JPH3: variants seen among roughly 807,000 people sequenced by gnomAD.
JPH3 encodes junctophilin 3.
JPH3 carries 11 observed loss-of-function variants against 59.6 expected under a neutral mutation model. That is an observed-to-expected ratio of 0.18 (90% CI 0.12 to 0.31). The LOEUF is 0.31. JPH3 is among the 10% of genes least tolerant of loss of function. The pLI is 1.00. For missense variants in JPH3, 1,202 were observed against 1,105.7 expected (o/e 1.09, Z -1.24); for synonymous variants, 673 against 483.6 (o/e 1.39, Z -5.14).
At chr16:87,642,447 T>C (rs1161012176) in intron 1 of JPH3, among the ~76,000 whole-genome samples, 1 of 152,216 alleles carries the variant, frequency 6.6e-6, no homozygotes, top group Non-Finnish European at 1.5e-5. Flanking sequence ...GCTGAATTTT[T>C]ATGTCAAATC....
At chr16:87,626,037 G>A (rs1377944708) in intron 1 of JPH3, among the ~76,000 whole-genome samples, 1 of 152,156 alleles carries the variant, frequency 6.6e-6, no homozygotes, top group East Asian at 1.9e-4. Flanking sequence ...CTTAGCTCAG[G>A]TTGTTCTTGG....
chr16:87,676,927 T>C lies in JPH3; in HGVS notation c.1161-7215T>C, dbSNP rs2033154799. ...TGGCGCACGCCTGTAATCCCAGCAC[T>C]TGGGGAGGCTGAAGTGGGCGGATCA... On this transcript the variant is annotated intron_variant, in intron 2 of 4. Coordinates refer to ENST00000284262, the MANE Select transcript of JPH3 (RefSeq NM_020655.4). Among the ~76,000 whole-genome samples, 3 of 150,862 alleles carry C rather than the reference T, an allele frequency of 2.0e-5. No individual in the cohort carries two copies. The South Asian group carries it at 6.3e-4, about 31-fold the overall frequency.
At chr16:87,660,239 G>T (rs770678096) in intron 2 of JPH3, among the ~76,000 whole-genome samples, 4 of 152,188 alleles carry the variant, frequency 2.6e-5, no homozygotes, top group Non-Finnish European at 4.4e-5. Flanking sequence ...CTCTGAGAAA[G>T]ACTCTCCCTG....
intron 2 of JPH3, among the ~76,000 whole-genome samples, chr16:87,675,128 G>A (rs2033111375): frequency 6.6e-6 from 1 of 152,066 alleles, no homozygotes; most frequent in Non-Finnish European, 1.5e-5. Flanking sequence ...GCAGTGGAAG[G>A]ATGATTTCTA....
chr16:87,632,314 C>G (rs187133332), intron 1 of JPH3, among the ~76,000 whole-genome samples: 1 of 152,360 alleles, frequency 6.6e-6, no homozygotes, highest in East Asian at 1.9e-4. Context: ...CCCCACCCTC[C>G]TCTGCCTGGT....
intron 1 of JPH3, chr16:87,604,003 C>T: frequency 1.1e-6 from 1 of 871,588 alleles, no homozygotes; most frequent in Non-Finnish European, 1.4e-6. Flanking sequence ...CCGAATCTGC[C>T]CAAGCCGAGA....
At chr16:87,639,683 G>GC (rs1415576434) in intron 1 of JPH3, among the ~76,000 whole-genome samples, 3 of 144,402 alleles carry the variant, frequency 2.1e-5, no homozygotes, top group Middle Eastern at 3.3e-3. Context: ...CTCCCTCCTG[G>GC]CCCCTCGCAC....
At position 87,629,664 on chromosome 16, in the gene JPH3, C is replaced by G. The variant is rs139963079; in HGVS notation, c.383-14594C>G. On this transcript the variant is annotated intron_variant, in intron 1 of 4. Transcript: ENST00000284262. The stretch of plus-strand genomic sequence containing the variant: ...GGAACTCTGGAGACAGTGACAAGAT[C>G]ATTGGTTGCCCAGGGTTGGGGGGGA... Among the ~76,000 whole-genome samples the G allele has an allele frequency of 9.4e-3, 1,234 of 131,396 alleles. 21 individuals are homozygous for G. Among genetic ancestry groups the G allele is most frequent in the African/African-American group, 0.032 (1,126 of 35,220 alleles). 86.2% of individuals were successfully genotyped at this position (131,396 alleles called of 152,430 possible).
intron 1 of JPH3, chr16:87,604,290 G>C (rs1197653304): frequency 6.2e-6 from 6 of 968,946 alleles, no homozygotes; most frequent in Non-Finnish European, 8.2e-6. Context: ...GGAGCTGCCT[G>C]CTGCTGCTGC....
intron 1 of JPH3, among the ~76,000 whole-genome samples, chr16:87,620,594 G>A (rs932697173): frequency 5.9e-5 from 9 of 152,030 alleles, no homozygotes; most frequent in East Asian, 1.9e-4. Flanking sequence ...GGGGACGTGC[G>A]TTGTTCCTCG....
chr16:87,645,313 G>C (rs937385116), intron 2 of JPH3, among the ~76,000 whole-genome samples: 3 of 152,240 alleles, frequency 2.0e-5, no homozygotes, highest in Admixed American at 6.5e-5. Context: ...TCTATATGCT[G>C]ATGTTTAGTG....
intron 4 of JPH3, among the ~76,000 whole-genome samples, chr16:87,691,825 T>C (rs1261214311): frequency 6.6e-6 from 1 of 152,016 alleles, no homozygotes; most frequent in Admixed American, 6.5e-5. Flanking sequence ...ATTTTCCCCA[T>C]CGCAGCCGGA....
chr16:87,697,983 G>C lies in JPH3; in HGVS notation c.*1323G>C, dbSNP rs2033969685. 1 of 152,610 alleles carries C rather than the reference G, an allele frequency of 6.6e-6. No homozygotes were observed. The highest frequency in any genetic ancestry group is 2.4e-5 in the African/African-American group (1 of 41,470). 9.5% of individuals were successfully genotyped at this position (152,610 alleles called of 1,614,324 possible). A position where few individuals can be genotyped will look rare whatever the true frequency, so the allele number is the denominator to read the frequency against. On this transcript the variant is annotated 3_prime_UTR_variant, in exon 5 of 5. Transcript: ENST00000284262. ...CCCCTGTGCCCGGGGAGGCGCTGCA[G>C]GGATTCCCCATCCGGTCGTCTTGGG...
intron 1 of JPH3, among the ~76,000 whole-genome samples, chr16:87,624,246 C>G (rs1027608228): frequency 2.0e-5 from 3 of 152,228 alleles, no homozygotes; most frequent in Admixed American, 6.5e-5. Flanking sequence ...TTGTGTCACT[C>G]TCACCATAAT....
At chr16:87,634,672 AC>A (rs2031675368) in intron 1 of JPH3, among the ~76,000 whole-genome samples, 1 of 152,106 alleles carries the variant, frequency 6.6e-6, no homozygotes, top group African/African-American at 2.4e-5. Context: ...GCCCGTGCCC[AC>A]CCATGGGAAA....
intron 1 of JPH3, among the ~76,000 whole-genome samples, chr16:87,623,181 T>C (rs2150830347): frequency 6.6e-6 from 1 of 152,336 alleles, no homozygotes; most frequent in South Asian, 2.1e-4. Context: ...CCTGGTCTCC[T>C]GGGAGCTGTG....
chr16:87,668,143 C>T (rs978990096), intron 2 of JPH3, among the ~76,000 whole-genome samples: 1 of 152,234 alleles, frequency 6.6e-6, no homozygotes, highest in Admixed American at 6.5e-5. Flanking sequence ...CTGCCTGAGC[C>T]TGTTCCTCCT....
chr16:87,683,084 C>T (rs770993313), intron 2 of JPH3, among the ~76,000 whole-genome samples: 5 of 152,194 alleles, frequency 3.3e-5, no homozygotes, highest in African/African-American at 1.2e-4. Flanking sequence ...CGTCATCTTT[C>T]GGCTGGGTGA....
At chr16:87,660,161 C>CG (rs572361187) in intron 2 of JPH3, among the ~76,000 whole-genome samples, 17 of 152,140 alleles carry the variant, frequency 1.1e-4, no homozygotes, top group Non-Finnish European at 2.5e-4. Flanking sequence ...TGGGGAGAGA[C>CG]GGCAGTGCAC....
Sources: allele counts gnomAD v4.1 joint callset (sites outside exome capture counted in the v4.1 genomes callset), GRCh38; gene constraint gnomAD v4.1.1; transcripts MANE v1.5; gene names NCBI Gene and HGNC (gene_info 2026-07-23, HGNC 2026-07-21).